NWD1: variants seen among roughly 807,000 people sequenced by gnomAD.
The protein encoded by NWD1 is NACHT and WD repeat domain containing 1, also known as NACHT domain- and WD repeat-containing protein 1.
In NWD1, 129 loss-of-function variants were observed where a neutral mutation model predicts 135.1. The observed-to-expected ratio is 0.96, with a 90% confidence interval of 0.83 to 1.11. The LOEUF is 1.11. NWD1 is among the 50% of genes least tolerant of loss of function. The probability of loss-of-function intolerance (pLI) is 0.00; values close to 1 mark genes in which losing one functional copy is unlikely to be tolerated. For synonymous variants in NWD1, 773 were observed against 786.0 expected (o/e 0.98, Z 0.28); for missense variants, 1,740 against 1,851.3 (o/e 0.94, Z 1.10).
chr19:16,809,871 C>A (rs1290303597), intron 18 of NWD1, among the ~76,000 whole-genome samples: 1 of 151,976 alleles, frequency 6.6e-6, no homozygotes, highest in African/African-American at 2.4e-5. Context: ...CGTGCTATTT[C>A]TTTATCCAAC....
At chr19:16,752,235 G>T (rs1252664343) in intron 6 of NWD1, among the ~76,000 whole-genome samples, 7 of 150,318 alleles carry the variant, frequency 4.7e-5, no homozygotes, top group African/African-American at 1.2e-4. Flanking sequence ...TTTTTTCTCA[G>T]CCTGTGCCAT....
intron 12 of NWD1, among the ~76,000 whole-genome samples, chr19:16,786,331 T>G (rs1970041076): frequency 6.6e-6 from 1 of 151,964 alleles, no homozygotes; most frequent in Admixed American, 6.6e-5. Context: ...GTTATTGTAT[T>G]TTATTTCATT....
intron 6 of NWD1, among the ~76,000 whole-genome samples, chr19:16,751,538 C>T (rs191700312): frequency 4.0e-5 from 6 of 149,574 alleles, no homozygotes; most frequent in African/African-American, 7.4e-5. Context: ...TGGTGGCTTA[C>T]GCTTTTAATC....
chr19:16,816,547 CT>C lies in NWD1; in HGVS notation c.*1512del, dbSNP rs1971072330. The stretch of plus-strand genomic sequence containing the variant: ...GAGCTGCTGATCTCTCCCTGCTTTG[CT>C]TTTGAACTGTCTGCCTTGTGCAAGT... On this transcript the variant is annotated 3_prime_UTR_variant, in exon 19 of 19. Transcript: ENST00000524140. 4.6e-5 allele frequency: 7 copies of C among 152,324 alleles called. No individual in the cohort carries two copies. The South Asian group carries it at 1.4e-3, about 32-fold the overall frequency. The allele number at this position is 152,324 out of a possible 1,614,324, so 9.4% of individuals were successfully genotyped here.
chr19:16,735,866 G>GAAGGAGGA (rs1555717048), intron 3 of NWD1, among the ~76,000 whole-genome samples: 2 of 28,618 alleles, frequency 7.0e-5, no homozygotes, highest in South Asian at 8.2e-4. Flanking sequence ...AGGAAGGAAG[G>GAAGGAGGA]AGGAAGGAAG....
chr19:16,773,425 A>G, intron 11 of NWD1, 102 bp downstream of exon 11: 1 of 980,432 alleles, frequency 1.0e-6, no homozygotes, highest in African/African-American at 1.6e-5. Context: ...CCCCTGTGCT[A>G]GTTGGGAGGC....
chr19:16,808,062 A>G lies in NWD1; in HGVS notation c.4213A>G (p.Ser1405Gly). 3.1e-6 allele frequency: 5 copies of G among 1,614,162 alleles called. No individual in the cohort carries two copies. Among genetic ancestry groups the G allele is most frequent in the Non-Finnish European group, 3.4e-6 (4 of 1,180,010 alleles). Residue 1405 changes from serine to glycine, a missense_variant, in exon 18 of 19, where the codon AGC becomes GGC. Coordinates refer to ENST00000524140, the MANE Select transcript of NWD1 (RefSeq NM_001007525.5). ...EVSHKEQLVV[S>G]GSEDALLCLW... ...CAGCCACAAGGAGCAGCTGGTGGTCAGCGGGTCTGAGGATGCCCTGCTGTG... is the reference window on the plus strand; with the variant it reads ...CAGCCACAAGGAGCAGCTGGTGGTCGGCGGGTCTGAGGATGCCCTGCTGTG...
Position 16,791,331 on chromosome 19 carries a change from C to T in NWD1, c.2941-19C>T, listed in dbSNP as rs1229075069. The T allele has an allele frequency of 2.5e-6, 4 of 1,605,862 alleles. No homozygotes were observed. Among genetic ancestry groups the T allele is most frequent in the Non-Finnish European group, 1.7e-6 (2 of 1,174,476 alleles). ...AGGTCTCCTGCCAAGATGCTGCTTC[C>T]TCTTCATTATTCTATTAGATCAATG... is the stretch of plus-strand genomic sequence containing the variant. On this transcript the variant is annotated intron_variant, in intron 13 of 18. Coordinates refer to ENST00000524140, the MANE Select transcript of NWD1 (RefSeq NM_001007525.5).
At chr19:16,787,365 C>A (rs768313807) in intron 12 of NWD1, among the ~76,000 whole-genome samples, 1 of 152,166 alleles carries the variant, frequency 6.6e-6, no homozygotes, top group Non-Finnish European at 1.5e-5. Context: ...CCCTTTTTTA[C>A]GTGGTTATTA....
intron 17 of NWD1, among the ~76,000 whole-genome samples, chr19:16,803,691 C>T (rs1258776983): frequency 6.7e-6 from 1 of 148,302 alleles, no homozygotes; most frequent in Non-Finnish European, 1.5e-5. Context: ...CTGAGGTGGG[C>T]GGATCATTTG....
rs1416024819 is a variant in NWD1, at chr19:16,744,465, G to A, written c.243G>A (p.Arg81=). 1 of 1,535,746 alleles carries A rather than the reference G, an allele frequency of 6.5e-7. No homozygotes were observed. The highest frequency in any genetic ancestry group is 2.0e-5 in the Admixed American group (1 of 50,968). Residue 81 remains arginine, a synonymous_variant, in exon 5 of 19, where the codon CGG becomes CGA. Transcript: ENST00000524140. ...DQYGPCLIPS[R]IDEKEWEVLR... is the part of the protein sequence containing the mutation. The stretch of plus-strand genomic sequence containing the variant: ...ACGGCCCCTGTCTGATTCCCTCGCG[G>A]ATCGATGAGAAGGAGTGGGAGGTAT...
At chr19:16,754,919 C>G (rs1168527574) in intron 6 of NWD1, among the ~76,000 whole-genome samples, 1 of 152,184 alleles carries the variant, frequency 6.6e-6, no homozygotes, top group Non-Finnish European at 1.5e-5. Context: ...ATGTCTATCT[C>G]TATATATCTA....
chr19:16,750,142 C>T lies in NWD1; in HGVS notation c.1500C>T (p.Gly500=). ...TGAAGCCCCTTTCCGGAAACCAAGGCCAGCAGATGATCCAACTCCTGCTGG... is the reference window on the plus strand; with the variant it reads ...TGAAGCCCCTTTCCGGAAACCAAGGTCAGCAGATGATCCAACTCCTGCTGG... The part of the protein sequence containing the change: ...WEVKPLSGNQ[G]QQMIQLLLAA... Residue 500 remains glycine (G), a synonymous_variant, in exon 6 of 19, where the codon GGC becomes GGT. Coordinates refer to ENST00000524140, the MANE Select transcript of NWD1 (RefSeq NM_001007525.5). 1 of 1,613,888 alleles carries T rather than the reference C, an allele frequency of 6.2e-7. No individual in the cohort carries two copies. Among genetic ancestry groups the T allele is most frequent in the Non-Finnish European group, 8.5e-7 (1 of 1,179,992 alleles).
chr19:16,736,234 T>TTCCTTCCTTCCTTCCTTCCTTC (rs1477114202), intron 3 of NWD1, among the ~76,000 whole-genome samples: 44 of 150,382 alleles, frequency 2.9e-4, no homozygotes, highest in Non-Finnish European at 4.6e-4. Context: ...CCTACCTTCC[T>TTCCTTCCTTCCTTCCTTCCTTC]CTCTCTCTTT....
chr19:16,723,314 T>G (rs1488172317), intron 1 of NWD1, among the ~76,000 whole-genome samples: 1 of 152,164 alleles, frequency 6.6e-6, no homozygotes, highest in Non-Finnish European at 1.5e-5. Flanking sequence ...TCCTCTCACC[T>G]CAGCCTTGTG....
At chr19:16,757,967 G>A (rs184093981) in intron 6 of NWD1, among the ~76,000 whole-genome samples, 30 of 151,996 alleles carry the variant, frequency 2.0e-4, no homozygotes, top group African/African-American at 7.0e-4. Context: ...CAGGAGAATC[G>A]CTTGAAGCCA....
intron 4 of NWD1, among the ~76,000 whole-genome samples, chr19:16,737,822 G>A (rs1203123410): frequency 6.6e-6 from 1 of 151,728 alleles, no homozygotes; most frequent in African/African-American, 2.4e-5. Flanking sequence ...AAAATTAGCT[G>A]GGCATGGTGG....
intron 14 of NWD1, among the ~76,000 whole-genome samples, chr19:16,792,192 G>A (rs564092325): frequency 6.6e-6 from 1 of 152,116 alleles, no homozygotes; most frequent in Non-Finnish European, 1.5e-5. Context: ...CTAGGAGTTG[G>A]GCTCTATCCA....
At chr19:16,741,801 C>T (rs1020148375) in intron 4 of NWD1, among the ~76,000 whole-genome samples, 1 of 152,122 alleles carries the variant, frequency 6.6e-6, no homozygotes, top group Non-Finnish European at 1.5e-5. Context: ...AGATTGATGC[C>T]TGCCTCTTTG....
Sources: gnomAD v4.1 joint callset for allele counts (sites outside exome capture counted in the v4.1 genomes callset) on GRCh38, gnomAD v4.1.1 for gene constraint, MANE v1.5 for transcripts, NCBI Gene and HGNC (gene_info 2026-07-23, HGNC 2026-07-21) for gene names.